The following PLCB2 variants were observed in gnomAD, a reference collection of about 807,000 sequenced individuals.
PLCB2 encodes phospholipase C beta 2, also known as 1-phosphatidylinositol 4,5-bisphosphate phosphodiesterase beta-2.
In PLCB2, 115 loss-of-function variants were observed where a neutral mutation model predicts 141.7. That is an observed-to-expected ratio of 0.81 (90% CI 0.70 to 0.95). The LOEUF is 0.95. Among genes scored for constraint, PLCB2 ranks in the 40% least tolerant of loss-of-function variants. The pLI, the probability that PLCB2 is intolerant of heterozygous loss-of-function variation, is 0.00. For missense variants in PLCB2, 1,403 were observed against 1,541.1 expected (o/e 0.91, Z 1.50); for synonymous variants, 603 against 595.6 (o/e 1.01, Z -0.18).
Position 40,293,741 on chromosome 15 carries a change from A to C in PLCB2, c.2062-17T>G. The C allele has an allele frequency of 1.3e-6, 2 of 1,599,772 alleles. No individual in the cohort carries two copies. The highest frequency in any genetic ancestry group is 4.5e-5 in the East Asian group (2 of 44,474). On this transcript the variant is annotated splice_polypyrimidine_tract_variant and intron_variant, in intron 19 of 31. Coordinates refer to ENST00000260402, the MANE Select transcript of PLCB2 (RefSeq NM_004573.3). ...AGAGATCACCTGGGGGTAGGGGCCC[A>C]GGAAAACCAGCATCAAATCCCCACC...
chr15:40,307,664 C>T lies in PLCB2; in HGVS notation c.9G>A (p.Leu3=). ...TGGGGGGCAGCAGGACAGGGTTGAG[C>T]AGAGACATGGTGCCAAGCGTTCCTC... MS[L]LNPVLLPPKV... is the part of the protein sequence containing the mutation. Residue 3 remains leucine (L), a synonymous_variant, in exon 1 of 32, where the codon CTG becomes CTA. Transcript: ENST00000260402. 1 of 1,566,752 alleles carries T rather than the reference C, an allele frequency of 6.4e-7. No individual in the cohort carries two copies. Among genetic ancestry groups the T allele is most frequent in the Non-Finnish European group, 8.7e-7 (1 of 1,153,938 alleles).
Position 40,291,840 on chromosome 15 carries a change from A to G in PLCB2, c.2602+9T>C. On this transcript the variant is annotated intron_variant, in intron 24 of 31. Transcript: ENST00000260402. ...TGCCCCCAGTAGGTGTGCGGACCGA[A>G]GCTCATACCTGGTGACCCATTGCTC... is the stretch of plus-strand genomic sequence containing the variant. 6.2e-7 allele frequency: 1 copy of G among 1,614,094 alleles called. No individual in the cohort carries two copies. Among genetic ancestry groups the G allele is most frequent in the Non-Finnish European group, 8.5e-7 (1 of 1,179,962 alleles).
chr15:40,290,905 G>T, intron 27 of PLCB2, 68 bp from the exon 28 acceptor site: 2 of 1,296,066 alleles, frequency 1.5e-6, no homozygotes, highest in Non-Finnish European at 2.1e-6. Flanking sequence ...GGGGGCGGGG[G>T]TCGGTGGAGG....
In PLCB2 at chr15:40,297,433, G is replaced by A. The variant is rs1447760133; in HGVS notation, c.1323+88C>T. The A allele has an allele frequency of 1.0e-6, 1 of 974,084 alleles. No homozygotes were observed. The highest frequency in any genetic ancestry group is 1.7e-6 in the Non-Finnish European group (1 of 600,322). 60.3% of individuals were successfully genotyped at this position (974,084 alleles called of 1,614,324 possible). ...AACCAAGTGAACCCTAGCATCCTCT[G>A]GGAGTGTCTCCCTCCCTAACCTGGT... is the stretch of plus-strand genomic sequence containing the variant. On this transcript the variant is annotated intron_variant, in intron 13 of 31. Transcript: ENST00000260402. The surrounding 1 kb of genome is among the most constrained non-coding windows in gnomAD (Gnocchi z 4.2).
chr15:40,291,825 AG>A, intron 24 of PLCB2, 23 bp downstream of exon 24: 1 of 1,613,980 alleles, frequency 6.2e-7, no homozygotes, highest in African/African-American at 1.3e-5. Context: ...TGCCCCCAGT[AG>A]GTGTGCGGAC....
Position 40,292,049 on chromosome 15 carries a change from G to A in PLCB2, c.2526+15C>T, listed in dbSNP as rs374154929. On this transcript the variant is annotated intron_variant, in intron 23 of 31. Coordinates refer to ENST00000260402, the MANE Select transcript of PLCB2 (RefSeq NM_004573.3). ...TCTCTGGTGAGCCCCTGGCAGCAGT[G>A]CAGGCAACACAGACCTCAGGCAGAC... is the stretch of plus-strand genomic sequence containing the variant. The A allele has an allele frequency of 6.2e-7, 1 of 1,611,392 alleles. No homozygotes were observed. Among genetic ancestry groups the A allele is most frequent in the Non-Finnish European group, 8.5e-7 (1 of 1,177,644 alleles).
At position 40,290,564 on chromosome 15, in the gene PLCB2, C is replaced by T. The variant is rs780310614; in HGVS notation, c.3209+13G>A. 17 of 1,601,858 alleles carry T rather than the reference C, an allele frequency of 1.1e-5. No homozygotes were observed. Among genetic ancestry groups the T allele is most frequent in the African/African-American group, 1.3e-5 (1 of 74,662 alleles). On this transcript the variant is annotated intron_variant, in intron 29 of 31. Transcript: ENST00000260402. ...GGGTCTGCCCAGCCCTGGGCCTCCC[C>T]TCCAGGGCTCACCTCTCCTGGGCCA...
At chr15:40,303,956 T>A in intron 2 of PLCB2, 45 bp downstream of exon 2, 1 of 1,341,400 alleles carries the variant, frequency 7.5e-7, no homozygotes, top group Non-Finnish European at 1.0e-6. Flanking sequence ...CTGGCCTCAA[T>A]GATAAGCAGG....
intron 25 of PLCB2, 30 bp from the exon 26 acceptor site, chr15:40,291,517 G>A: frequency 1.3e-6 from 2 of 1,599,268 alleles, no homozygotes; most frequent in Non-Finnish European, 8.5e-7. Context: ...GCGCAACACC[G>A]GCCAGGCCGT....
Position 40,288,668 on chromosome 15 carries a change from A to T in PLCB2, c.*47T>A. ...CTGGGGGAATAGAACCACATCCCAG[A>T]GAAGGGGCTGAACCTCCTTGCTAAA... On this transcript the variant is annotated 3_prime_UTR_variant, in exon 32 of 32. Transcript: ENST00000260402. 6.7e-7 allele frequency: 1 copy of T among 1,502,168 alleles called. No individual in the cohort carries two copies. Among genetic ancestry groups the T allele is most frequent in the Non-Finnish European group, 8.9e-7 (1 of 1,122,558 alleles). The allele number at this position is 1,502,168 out of a possible 1,614,324, so 93.1% of individuals were successfully genotyped here.
rs370933648 is a variant in PLCB2, at chr15:40,302,299, G to A, written c.423C>T (p.Asn141=). The stretch of plus-strand genomic sequence containing the variant: ...TGTCCAGGAAGGTGCTGCGGGAGGC[G>A]TTGGCCGTCAGCGGATGTTTGACTA... ...LALVKHPLTA[N]ASRSTFLDKI... Residue 141 remains asparagine, a synonymous_variant, in exon 5 of 32, where the codon AAC becomes AAT. Transcript: ENST00000260402. The A allele has an allele frequency of 3.4e-5, 55 of 1,614,014 alleles. No homozygotes were observed. The African/African-American group carries it at 4.7e-4, about 14-fold the overall frequency.
In PLCB2 at chr15:40,302,125, G is replaced by A. The variant is rs769249390; in HGVS notation, c.506+11C>T. ...GCCCCTGGAAGCCTGGGGAGGGGTT[G>A]GGGGGCTCACTTCTTCACCGGAATC... On this transcript the variant is annotated intron_variant, in intron 6 of 31. Coordinates refer to ENST00000260402, the MANE Select transcript of PLCB2 (RefSeq NM_004573.3). 1.9e-6 allele frequency: 3 copies of A among 1,611,968 alleles called. No individual in the cohort carries two copies. Among genetic ancestry groups the A allele is most frequent in the South Asian group, 1.1e-5 (1 of 90,948 alleles).
rs199754432 is a variant in PLCB2, at chr15:40,298,899, C to T, written c.749G>A (p.Arg250Gln). Residue 250 changes from arginine (R) to glutamine (Q), a missense_variant, in exon 9 of 32, where the codon CGG (arginine) becomes CAG (glutamine). Transcript: ENST00000260402. ...HLTKFINQKQ[R>Q]DSRLNSLLFP... Reference sequence around the variant, plus strand: ...CAGCAGGGAGTTAAGCCGGGAGTCCCGCTGTTTCTGGTTGATGAATTTGGT... The same window carrying T: ...CAGCAGGGAGTTAAGCCGGGAGTCCTGCTGTTTCTGGTTGATGAATTTGGT... 2.5e-6 allele frequency: 4 copies of T among 1,610,986 alleles called. No homozygotes were observed. The highest frequency in any genetic ancestry group is 2.2e-5 in the East Asian group (1 of 44,880).
Position 40,288,427 on chromosome 15 carries a change from CAT to C in PLCB2, c.*286_*287del. The C allele has an allele frequency of 8.6e-7, 1 of 1,163,774 alleles. No individual in the cohort carries two copies. The highest frequency in any genetic ancestry group is 1.6e-5 in the African/African-American group (1 of 63,312). 72.1% of individuals were successfully genotyped at this position (1,163,774 alleles called of 1,614,324 possible). On this transcript the variant is annotated 3_prime_UTR_variant, in exon 32 of 32. Transcript: ENST00000260402. The stretch of plus-strand genomic sequence containing the variant: ...GGATCCCACTTTCTGCCTTCCAGTC[CAT>C]AGTCTTTTGCCCTCAACAAATATAT...
chr15:40,297,797 G>A lies in PLCB2; in HGVS notation c.1238+80C>T. ...AGCTGTAGGCAATGGTTAGAGGCTG[G>A]GGCAGTTGTGGGGAGGACAGTTGCA... On this transcript the variant is annotated intron_variant, in intron 12 of 31. Transcript: ENST00000260402. The surrounding 1 kb of genome is among the most constrained non-coding windows in gnomAD (Gnocchi z 4.2). 3.5e-6 allele frequency: 4 copies of A among 1,145,986 alleles called. No homozygotes were observed. The highest frequency in any genetic ancestry group is 1.3e-6 in the Non-Finnish European group (1 of 761,082). 71.0% of individuals were successfully genotyped at this position (1,145,986 alleles called of 1,614,324 possible).
intron 1 of PLCB2, among the ~76,000 whole-genome samples, chr15:40,305,321 T>G (rs544444651): frequency 8.6e-4 from 131 of 152,226 alleles, no homozygotes; most frequent in Admixed American, 1.6e-3. Context: ...CATTAGGTAT[T>G]TGTCCTAATG....
At chr15:40,301,780 T>G in intron 7 of PLCB2, 177 bp downstream of exon 7, 1 of 701,154 alleles carries the variant, frequency 1.4e-6, no homozygotes, top group Non-Finnish European at 2.6e-6. Context: ...TCCCTTGCCC[T>G]GGCTCCACCC....
intron 11 of PLCB2, 102 bp downstream of exon 11, chr15:40,298,121 C>A: frequency 7.5e-7 from 1 of 1,334,126 alleles, no homozygotes; most frequent in Non-Finnish European, 1.0e-6. Context: ...GGCCTTCCAG[C>A]CATTCATCTT....
At chr15:40,306,488 C>CT (rs1302285249) in intron 1 of PLCB2, among the ~76,000 whole-genome samples, 1 of 152,178 alleles carries the variant, frequency 6.6e-6, no homozygotes, top group African/African-American at 2.4e-5. Context: ...GGCCACTTCG[C>CT]TTTTCATTCT....
Sources: allele counts gnomAD v4.1 joint callset (sites outside exome capture counted in the v4.1 genomes callset), GRCh38; gene constraint gnomAD v4.1.1; non-coding constraint Gnocchi (gnomAD v3.1); transcripts MANE v1.5; gene names NCBI Gene and HGNC (gene_info 2026-07-23, HGNC 2026-07-21).